The following NBEAL2 variants were observed in gnomAD, a reference collection of about 807,000 sequenced individuals.
NBEAL2 encodes the protein neurobeachin like 2.
NBEAL2 carries 160 observed loss-of-function variants against 299.8 expected under a neutral mutation model. The ratio of observed to expected loss-of-function variants is 0.53; its 90% CI spans 0.47 to 0.61. The LOEUF is 0.61. NBEAL2 is among the 20% of genes least tolerant of loss of function. NBEAL2 has a pLI of 0.00. For synonymous variants in NBEAL2, 1,493 were observed against 1,542.3 expected, an observed-to-expected ratio of 0.97 and a Z score of 0.75; for missense variants, 3,112 against 3,649.0, an observed-to-expected ratio of 0.85 and a Z score of 3.79.
At position 46,989,673 on chromosome 3, in the gene NBEAL2, A is replaced by G; in HGVS notation, c.556+80A>G. On this transcript the variant is annotated intron_variant, in intron 6 of 53. Coordinates refer to ENST00000450053, the MANE Select transcript of NBEAL2 (RefSeq NM_015175.3). The surrounding 1 kb of genome is among the most constrained non-coding windows in gnomAD (Gnocchi z 5.5). ...CTGTCGTTCCTTGATCCTGCCATAC[A>G]CAGGAACCACTTGGTGGTGGCTGCA... The G allele has an allele frequency of 4.0e-6, 5 of 1,261,546 alleles. No individual in the cohort carries two copies. Among genetic ancestry groups the G allele is most frequent in the Non-Finnish European group, 5.6e-6 (5 of 885,562 alleles). 78.1% of individuals were successfully genotyped at this position (1,261,546 alleles called of 1,614,324 possible).
Position 47,002,369 on chromosome 3 carries a change from A to G in NBEAL2, c.5152-2A>G. 1 of 1,613,544 alleles carries G rather than the reference A, an allele frequency of 6.2e-7. No individual in the cohort carries two copies. The highest frequency in any genetic ancestry group is 2.2e-5 in the East Asian group (1 of 44,886). On this transcript the variant is annotated splice_acceptor_variant, in intron 31 of 53. Transcript: ENST00000450053. LOFTEE classifies it high-confidence loss of function. ...ACTGTTCTCCTCTGCCCAATCCTCC[A>G]GGTACAGCCAACCATGTCCCAGTTC...
Position 47,002,699 on chromosome 3 carries a change from A to T in NBEAL2, c.5356A>T (p.Thr1786Ser), listed in dbSNP as rs373627201. The T allele has an allele frequency of 1.8e-4, 285 of 1,603,148 alleles. 2 individuals are homozygous for T. Among genetic ancestry groups the T allele is most frequent in the East Asian group, 1.2e-3 (54 of 44,608 alleles). The change falls in exon 33 of 54, where the codon ACG (threonine) becomes TCG (serine). Residue 1786 changes from threonine to serine, a missense_variant. Around this residue, in one of 3 missense-constraint regions of NBEAL2, gnomAD observed 2,243 missense variants for 2,538.1 expected, o/e 0.88. Transcript: ENST00000450053. ...GGCGCGCCTGGAGGGGCTACGCTAC[A>T]CGGCAGTGCTGAAGCAGCAGGCAAC... ...RRARLEGLRYTAVLKQQATQH... is the reference protein window; with the variant it reads ...RRARLEGLRYSAVLKQQATQH...
Position 46,996,303 on chromosome 3 carries a change from A to G in NBEAL2, c.2184A>G (p.Gly728=), listed in dbSNP as rs562567343. 1.7e-5 allele frequency: 27 copies of G among 1,609,652 alleles called. No homozygotes were observed. The South Asian group carries it at 2.6e-4, about 16-fold the overall frequency. The change falls in exon 16 of 54, where the codon GGA becomes GGG. Residue 728 remains glycine (G), a synonymous_variant. Coordinates refer to ENST00000450053, the MANE Select transcript of NBEAL2 (RefSeq NM_015175.3). ...PFSSCCIGSA[G]YRTTTTTTGL... ...CCTCCTGCTGTATCGGCTCCGCTGGATACCGCACAACGACCACCACCACAG... is the reference window on the plus strand; with the variant it reads ...CCTCCTGCTGTATCGGCTCCGCTGGGTACCGCACAACGACCACCACCACAG...
In NBEAL2 at chr3:47,002,729, C is replaced by T. The variant is rs766551100; in HGVS notation, c.5386C>T (p.His1796Tyr). Residue 1796 changes from histidine (H) to tyrosine (Y), a missense_variant, in exon 33 of 54, where the codon CAC becomes TAC. Physicochemically the swap from His to Tyr is moderately conservative, Grantham distance 83. Around this residue, in one of 3 missense-constraint regions of NBEAL2, gnomAD observed 2,243 missense variants for 2,538.1 expected, o/e 0.88. Coordinates refer to ENST00000450053, the MANE Select transcript of NBEAL2 (RefSeq NM_015175.3). ...AGTGCTGAAGCAGCAGGCAACGCAG[C>T]ACTCCATGGCCCTGCTGCACTGGGG... is the stretch of plus-strand genomic sequence containing the variant. The part of the protein sequence containing the change: ...TAVLKQQATQ[H>Y]SMALLHWGAL... 3 of 1,590,894 alleles carry T rather than the reference C, an allele frequency of 1.9e-6. No homozygotes were observed. The highest frequency in any genetic ancestry group is 1.8e-5 in the Admixed American group (1 of 56,754).
In NBEAL2 at chr3:46,988,639, C is replaced by G. The variant is rs760571798; in HGVS notation, c.52-30C>G. On this transcript the variant is annotated intron_variant, in intron 1 of 53. Transcript: ENST00000450053. This position sits in a 1 kb window ranked among gnomAD's most constrained non-coding sequence, Gnocchi z 4.4. ...CCTGTTTACTGCATCCCTCCTGCCC[C>G]CCACCACTGTTCCCCTGTTCTGCCT... 1.3e-6 allele frequency: 2 copies of G among 1,597,350 alleles called. No individual in the cohort carries two copies. Among genetic ancestry groups the G allele is most frequent in the Non-Finnish European group, 1.7e-6 (2 of 1,165,014 alleles).
Position 47,005,180 on chromosome 3 carries a change from G to A in NBEAL2, c.6420-1G>A, listed in dbSNP as rs1338266997. On this transcript the variant is annotated splice_acceptor_variant, in intron 39 of 53. Coordinates refer to ENST00000450053, the MANE Select transcript of NBEAL2 (RefSeq NM_015175.3). LOFTEE classifies it high-confidence loss of function. ...GCTGACACGTCCAACTGTGGCCCCA[G>A]GTATGAAAGCTTTGAGGACCCAGCA... The A allele has an allele frequency of 6.2e-7, 1 of 1,613,732 alleles. No homozygotes were observed. The highest frequency in any genetic ancestry group is 1.7e-5 in the Admixed American group (1 of 60,006).
chr3:46,999,658 TGTGGTACA>T lies in NBEAL2; in HGVS notation c.3734_3741del (p.Val1245AlafsTer6). ...GCCTGAACCTCTCAGATCTGCTGGC[TGTGGTACA>T]GCTGTCCCTCCAGGCTGACCTCAGC... On this transcript the variant is annotated frameshift_variant, in exon 26 of 54. Transcript: ENST00000450053. LOFTEE classifies it high-confidence loss of function. 6.2e-7 allele frequency: 1 copy of T among 1,613,304 alleles called. No homozygotes were observed. Among genetic ancestry groups the T allele is most frequent in the Non-Finnish European group, 8.5e-7 (1 of 1,179,526 alleles).
chr3:47,002,367 C>T lies in NBEAL2; in HGVS notation c.5152-4C>T. 6.2e-7 allele frequency: 1 copy of T among 1,613,498 alleles called. No homozygotes were observed. The highest frequency in any genetic ancestry group is 1.1e-5 in the South Asian group (1 of 91,080). On this transcript the variant is annotated splice_region_variant and splice_polypyrimidine_tract_variant and intron_variant, in intron 31 of 53. Transcript: ENST00000450053. The stretch of plus-strand genomic sequence containing the variant: ...GCACTGTTCTCCTCTGCCCAATCCT[C>T]CAGGTACAGCCAACCATGTCCCAGT...
intron 32 of NBEAL2, 41 bp downstream of exon 32, chr3:47,002,561 A>G: frequency 6.2e-7 from 1 of 1,610,706 alleles, no homozygotes; most frequent in Non-Finnish European, 8.5e-7. Context: ...TGCTCCACAC[A>G]TGCACCCAGG....
Position 47,009,204 on chromosome 3 carries a change from C to T in NBEAL2, c.8164-15C>T, listed in dbSNP as rs926003156. ...GCGATCCCAGCTGATCCTACTCAAC[C>T]CTTACGCCCACCAGGTGCGCAGCAG... On this transcript the variant is annotated splice_polypyrimidine_tract_variant and intron_variant, in intron 53 of 53. Coordinates refer to ENST00000450053, the MANE Select transcript of NBEAL2 (RefSeq NM_015175.3). 6.3e-7 allele frequency: 1 copy of T among 1,583,962 alleles called. No homozygotes were observed. Among genetic ancestry groups the T allele is most frequent in the Non-Finnish European group, 8.6e-7 (1 of 1,166,990 alleles).
Position 47,008,181 on chromosome 3 carries a change from T to A in NBEAL2, c.7714T>A (p.Ser2572Thr). The A allele has an allele frequency of 6.2e-7, 1 of 1,613,952 alleles. No homozygotes were observed. Among genetic ancestry groups the A allele is most frequent in the South Asian group, 1.1e-5 (1 of 91,072 alleles). The change falls in exon 50 of 54, where the codon TCT becomes ACT. Residue 2572 changes from serine (S) to threonine (T), a missense_variant. Around this residue, in one of 3 missense-constraint regions of NBEAL2, gnomAD observed 348 missense variants for 381.4 expected, o/e 0.91. Transcript: ENST00000450053. The stretch of plus-strand genomic sequence containing the variant: ...TGAACTTGACATGGCTGTGTCTGGA[T>A]CTGAGGTGTGTGTATGCATGTGCCC... ...STELDMAVSG[S>T]EDGTVIIHTV...
chr3:46,999,624 C>T lies in NBEAL2; in HGVS notation c.3704-6C>T, dbSNP rs1490598142. ...TCCCTCAGGTCCCCCCAACCCATCC[C>T]CCCAGATTGCCTGAACCTCTCAGAT... is the stretch of plus-strand genomic sequence containing the variant. On this transcript the variant is annotated splice_polypyrimidine_tract_variant and splice_region_variant and intron_variant, in intron 25 of 53. Transcript: ENST00000450053. 2 of 1,609,142 alleles carry T rather than the reference C, an allele frequency of 1.2e-6. No homozygotes were observed. Among genetic ancestry groups the T allele is most frequent in the South Asian group, 1.1e-5 (1 of 90,976 alleles).
In NBEAL2 at chr3:47,001,977, C is replaced by A. The variant is rs200608141; in HGVS notation, c.4840C>A (p.Arg1614Ser). The part of the protein sequence containing the change: ...HMLLQTAVPA[R>S]REEACYVLSK... ...GCTGCTACAGACTGCAGTGCCAGCCCGCCGCGAGGAGGCCTGCTATGTGCT... is the reference window on the plus strand; with the variant it reads ...GCTGCTACAGACTGCAGTGCCAGCCAGCCGCGAGGAGGCCTGCTATGTGCT... Residue 1614 changes from arginine to serine, a missense_variant, in exon 31 of 54, where the codon CGC (arginine) becomes AGC (serine). Physicochemically the swap from Arg to Ser is moderately radical, Grantham distance 110. Around this residue, in one of 3 missense-constraint regions of NBEAL2, gnomAD observed 2,243 missense variants for 2,538.1 expected, o/e 0.88. Coordinates refer to ENST00000450053, the MANE Select transcript of NBEAL2 (RefSeq NM_015175.3). This position sits in a 1 kb window ranked among gnomAD's most constrained non-coding sequence, Gnocchi z 6.1. The A allele has an allele frequency of 4.9e-4, 794 of 1,608,414 alleles. 1 individual carries two copies. The highest frequency in any genetic ancestry group is 6.5e-4 in the Non-Finnish European group (766 of 1,177,528).
chr3:46,981,253 G>T (rs2107239312), intron 1 of NBEAL2, among the ~76,000 whole-genome samples: 1 of 152,186 alleles, frequency 6.6e-6, no homozygotes, highest in African/African-American at 2.4e-5. Flanking sequence ...GACCATCCTG[G>T]CCAACATGGT....
At position 46,984,389 on chromosome 3, in the gene NBEAL2, C is replaced by T. The variant is rs1342594994; in HGVS notation, c.52-4280C>T. On this transcript the variant is annotated intron_variant, in intron 1 of 53. Coordinates refer to ENST00000450053, the MANE Select transcript of NBEAL2 (RefSeq NM_015175.3). ...GTGGGTGTCATGGAGATCAGAAGGT[C>T]CACCCTTTCAGCACCCCCTCTCCAG... Among the ~76,000 whole-genome samples the T allele has an allele frequency of 8.5e-5, 13 of 152,264 alleles. No individual in the cohort carries two copies. In the East Asian group the frequency reaches 2.5e-3, roughly 29 times the overall value.
chr3:46,984,150 A>AC, intron 1 of NBEAL2, among the ~76,000 whole-genome samples: 1 of 146,896 alleles, frequency 6.8e-6, no homozygotes, highest in African/African-American at 2.5e-5. Context: ...AAAAAAAAAA[A>AC]AAAAAATTAG....
chr3:46,997,061 G>A lies in NBEAL2; in HGVS notation c.2649+15G>A, dbSNP rs1459188241. 3 of 1,609,002 alleles carry A rather than the reference G, an allele frequency of 1.9e-6. No individual in the cohort carries two copies. Among genetic ancestry groups the A allele is most frequent in the Admixed American group, 3.3e-5 (2 of 59,924 alleles). ...GGGATGTGAAGGTCTGTGAGCACGT[G>A]TGGGTGGTGTGTGCAGGAGGCATGA... On this transcript the variant is annotated intron_variant, in intron 18 of 53. Coordinates refer to ENST00000450053, the MANE Select transcript of NBEAL2 (RefSeq NM_015175.3).
Position 47,005,804 on chromosome 3 carries a change from C to A in NBEAL2, c.6758C>A (p.Ala2253Asp), listed in dbSNP as rs774783164. The A allele has an allele frequency of 6.2e-7, 1 of 1,613,362 alleles. No homozygotes were observed. The highest frequency in any genetic ancestry group is 8.5e-7 in the Non-Finnish European group (1 of 1,179,856). Residue 2253 changes from alanine (A) to aspartate (D), a missense_variant, in exon 42 of 54, where the codon GCC becomes GAC. By Grantham distance (126) the Ala-to-Asp change is moderately radical. Around this residue, in one of 3 missense-constraint regions of NBEAL2, gnomAD observed 521 missense variants for 729.6 expected, o/e 0.71. Transcript: ENST00000450053. ...KVGDVVLPPWASSPEDFIQQH... is the reference protein window; with the variant it reads ...KVGDVVLPPWDSSPEDFIQQH... ...GGCGATGTGGTGCTACCCCCGTGGG[C>A]CAGCTCTCCTGAGGACTTCATCCAG...
At chr3:47,002,898 G>C in intron 33 of NBEAL2, 59 bp from the exon 34 acceptor site, 1 of 1,594,162 alleles carries the variant, frequency 6.3e-7, no homozygotes, top group South Asian at 1.1e-5. Flanking sequence ...GTGAGGCCAG[G>C]GAGGGATGGG....
Sources: allele counts gnomAD v4.1 joint callset (sites outside exome capture counted in the v4.1 genomes callset), GRCh38; gene constraint gnomAD v4.1.1; regional missense constraint gnomAD v4.1.1; non-coding constraint Gnocchi (gnomAD v3.1); transcripts MANE v1.5; gene names NCBI Gene and HGNC (gene_info 2026-07-23, HGNC 2026-07-21).